MYT1L: variants seen among roughly 807,000 people sequenced by gnomAD.
The protein encoded by MYT1L is myelin transcription factor 1-like protein.
In MYT1L, 12 loss-of-function variants were observed where a neutral mutation model predicts 126.7. The observed-to-expected ratio is 0.09, with a 90% CI of 0.06 to 0.15. The LOEUF is 0.15. MYT1L is among the 10% of genes least tolerant of loss of function. MYT1L has a pLI of 1.00. For missense variants in MYT1L, 979 were observed against 1,585.2 expected (o/e 0.62, Z 6.49); for synonymous variants, 541 against 604.2 (o/e 0.90, Z 1.53).
chr2:2,078,616 G>A (rs962009003), intron 3 of MYT1L, among the ~76,000 whole-genome samples: 3 of 152,140 alleles, frequency 2.0e-5, no homozygotes, highest in Non-Finnish European at 4.4e-5. Flanking sequence ...GATGAGAAGA[G>A]GTTCAATGAG....
chr2:2,231,032 C>A (rs1019491893), intron 2 of MYT1L, among the ~76,000 whole-genome samples: 1 of 152,098 alleles, frequency 6.6e-6, no homozygotes, highest in African/African-American at 2.4e-5. Context: ...AGACTCAGGG[C>A]ATAGCAAAGG....
chr2:2,064,058 T>C (rs1408265367), intron 3 of MYT1L, among the ~76,000 whole-genome samples: 6 of 152,226 alleles, frequency 3.9e-5, no homozygotes, highest in African/African-American at 1.4e-4. Context: ...CTAAGCTCTT[T>C]AGACACACAG....
At chr2:1,814,802 C>T (rs957529995) in intron 21 of MYT1L, among the ~76,000 whole-genome samples, 6 of 152,188 alleles carry the variant, frequency 3.9e-5, no homozygotes, top group East Asian at 3.9e-4. Context: ...CACCCATGAA[C>T]GAACAGCTCC....
In MYT1L at chr2:2,279,556, GGAAT is replaced by G. The variant is rs374691207; in HGVS notation, c.-421+4844_-421+4847del. 8.4e-3 allele frequency among the ~76,000 whole-genome samples: 1,000 copies of G among 119,716 alleles called. 21 individuals are homozygous for G. Among genetic ancestry groups the G allele is most frequent in the Middle Eastern group, 0.029 (7 of 242 alleles). The allele number at this position is 119,716 out of a possible 152,430, so 78.5% of individuals were successfully genotyped here. A position where few individuals can be genotyped will look rare whatever the true frequency, so the allele number is the denominator to read the frequency against. On this transcript the variant is annotated intron_variant, in intron 2 of 24. Transcript: ENST00000647738. The stretch of plus-strand genomic sequence containing the variant: ...AGGAAGGAGAGAGAGAAAGAGAGAA[GGAAT>G]GAATGAATGAAGGAAGGAAGGAAGG...
intron 3 of MYT1L, among the ~76,000 whole-genome samples, chr2:2,094,878 A>G (rs1024397351): frequency 1.3e-5 from 2 of 152,204 alleles, no homozygotes; most frequent in African/African-American, 4.8e-5. Context: ...ATATGTAACT[A>G]ACCTGCACGT....
At chr2:2,261,950 T>C (rs1396965548) in intron 2 of MYT1L, among the ~76,000 whole-genome samples, 1 of 152,216 alleles carries the variant, frequency 6.6e-6, no homozygotes, top group African/African-American at 2.4e-5. Flanking sequence ...TAATACTTAA[T>C]GTTTCCCAAA....
chr2:2,192,946 T>A (rs72769216), intron 2 of MYT1L, among the ~76,000 whole-genome samples: 32,428 of 152,050 alleles, frequency 0.21, 4,392 homozygotes, highest in African/African-American at 0.4. Context: ...AAGGAATGTA[T>A]ACTCCCTGGC....
intron 3 of MYT1L, among the ~76,000 whole-genome samples, chr2:2,073,304 C>T (rs980806046): frequency 5.3e-5 from 8 of 150,776 alleles, no homozygotes; most frequent in African/African-American, 1.7e-4. Context: ...CTTAGTCCTG[C>T]CCCCAACTTT....
intron 4 of MYT1L, among the ~76,000 whole-genome samples, chr2:2,018,853 A>C (rs1285655243): frequency 6.6e-6 from 1 of 152,118 alleles, no homozygotes; most frequent in Non-Finnish European, 1.5e-5. Context: ...TTTGAGTTCC[A>C]GAGAGAGAAC....
chr2:2,145,016 A>G (rs1215360440), intron 3 of MYT1L, among the ~76,000 whole-genome samples: 1 of 152,246 alleles, frequency 6.6e-6, no homozygotes, highest in Non-Finnish European at 1.5e-5. Context: ...GACTATCTTA[A>G]TATTTGCTTT....
At chr2:1,855,749 A>G (rs941006409) in intron 18 of MYT1L, among the ~76,000 whole-genome samples, 1 of 152,200 alleles carries the variant, frequency 6.6e-6, no homozygotes, top group African/African-American at 2.4e-5. Flanking sequence ...ATGAACAAAT[A>G]ATCTTGAAAC....
In MYT1L at chr2:1,877,392, A is replaced by ATT. The variant is rs3841089; in HGVS notation, c.2711+9145_2711+9146dup. 3.9e-5 allele frequency among the ~76,000 whole-genome samples: 6 copies of ATT among 151,924 alleles called. No homozygotes were observed. The South Asian group carries it at 1.0e-3, about 26-fold the overall frequency. On this transcript the variant is annotated intron_variant, in intron 18 of 24. Coordinates refer to ENST00000647738, the MANE Select transcript of MYT1L (RefSeq NM_001303052.2). Reference sequence around the variant, plus strand: ...CTGTGAGAGTGGTGAGTTTATACATATTTTTTCTTTTTTCCAAGTCTTTTC... The same window carrying ATT: ...CTGTGAGAGTGGTGAGTTTATACATATTTTTTTTCTTTTTTCCAAGTCTTTTC...
intron 2 of MYT1L, among the ~76,000 whole-genome samples, chr2:2,226,652 G>T (rs180736595): frequency 6.6e-6 from 1 of 152,036 alleles, no homozygotes; most frequent in African/African-American, 2.4e-5. Flanking sequence ...CCAAACCTCC[G>T]ACCACATGAC....
At chr2:1,882,425 C>T (rs1410677742) in intron 18 of MYT1L, among the ~76,000 whole-genome samples, 1 of 152,136 alleles carries the variant, frequency 6.6e-6, no homozygotes, top group Non-Finnish European at 1.5e-5. Context: ...AAGGGTGCTA[C>T]AGGAGCAAGC....
intron 21 of MYT1L, among the ~76,000 whole-genome samples, chr2:1,831,272 A>G (rs967418700): frequency 2.8e-5 from 4 of 144,446 alleles, no homozygotes; most frequent in African/African-American, 1.0e-4. Context: ...AGTTACAGCC[A>G]CATTTGTCCA....
chr2:2,054,210 T>C (rs2069186441), intron 3 of MYT1L, 87 bp from the exon 4 acceptor site: 1 of 152,686 alleles, frequency 6.5e-6, no homozygotes, highest in African/African-American at 2.4e-5. Context: ...TGTCAGGTCT[T>C]TAATGCATCT....
chr2:1,838,070 C>T (rs533611353), intron 21 of MYT1L, among the ~76,000 whole-genome samples: 22 of 152,080 alleles, frequency 1.4e-4, no homozygotes, highest in East Asian at 5.8e-4. Context: ...TGCACCACCA[C>T]GCCCAGCTAA....
chr2:1,822,331 T>A (rs2038661180), intron 21 of MYT1L, among the ~76,000 whole-genome samples: 1 of 152,226 alleles, frequency 6.6e-6, no homozygotes, highest in South Asian at 2.1e-4. Flanking sequence ...GTGATTTCAG[T>A]CTGCAGAGCT....
chr2:1,834,008 C>T (rs2040514172), intron 21 of MYT1L, among the ~76,000 whole-genome samples: 1 of 152,220 alleles, frequency 6.6e-6, no homozygotes, highest in Non-Finnish European at 1.5e-5. Flanking sequence ...GTGAGCAGGG[C>T]CCCAAACCAT....
Sources: gnomAD v4.1 joint callset for allele counts (sites outside exome capture counted in the v4.1 genomes callset) on GRCh38, gnomAD v4.1.1 for gene constraint, MANE v1.5 for transcripts, NCBI Gene and HGNC (gene_info 2026-07-23, HGNC 2026-07-21) for gene names.